Variants in ERLIN2 observed in about 807,000 individuals in gnomAD.
The protein encoded by ERLIN2 is erlin-2.
In ERLIN2, 22 loss-of-function variants were observed where a neutral mutation model predicts 41.5. That is an observed-to-expected ratio of 0.53 (90% CI 0.38 to 0.76). The LOEUF is 0.76. Among genes scored for constraint, ERLIN2 ranks in the 30% least tolerant of loss-of-function variants. The pLI is 0.00. For synonymous variants in ERLIN2, 149 were observed against 150.9 expected (o/e 0.99, Z 0.09); for missense variants, 247 against 414.3 (o/e 0.60, Z 3.51).
At chr8:37,748,532 T>A (rs1803131055) in intron 6 of ERLIN2, among the ~76,000 whole-genome samples, 4 of 152,226 alleles carry the variant, frequency 2.6e-5, no homozygotes, top group Admixed American at 2.6e-4. Flanking sequence ...TTAAACAAGC[T>A]TGTTATTTTT....
Position 37,757,179 on chromosome 8 carries a change from G to A in ERLIN2, c.*3064G>A, listed in dbSNP as rs1023057174. On this transcript the variant is annotated 3_prime_UTR_variant, in exon 12 of 12. Transcript: ENST00000519638. ...CCGATACCTTTACTATTTAAAGAGC[G>A]TAAATAGTGAAAGTAAGATGGTCAT... 5.3e-5 allele frequency: 8 copies of A among 152,268 alleles called. No homozygotes were observed. Among genetic ancestry groups the A allele is most frequent in the African/African-American group, 1.2e-4 (5 of 41,540 alleles). 9.4% of individuals were successfully genotyped at this position (152,268 alleles called of 1,614,324 possible).
chr8:37,739,096 C>T (rs955992330), intron 2 of ERLIN2, among the ~76,000 whole-genome samples: 5 of 152,160 alleles, frequency 3.3e-5, no homozygotes, highest in African/African-American at 1.2e-4. Context: ...TAGTAACCTC[C>T]ATGACCAAGT....
chr8:37,743,798 A>AG (rs1319606406), intron 4 of ERLIN2, among the ~76,000 whole-genome samples: 2 of 152,150 alleles, frequency 1.3e-5, no homozygotes, highest in African/African-American at 4.8e-5. Flanking sequence ...TGAAATGTTC[A>AG]GAAAAAAAAA....
intron 6 of ERLIN2, chr8:37,747,359 A>T: frequency 7.5e-7 from 1 of 1,334,368 alleles, no homozygotes; most frequent in Non-Finnish European, 1.1e-6. Flanking sequence ...TTGTCAATCA[A>T]GGTCCCCTTC....
At chr8:37,747,217 AAAC>A (rs1803080856) in intron 6 of ERLIN2, 1 of 682,114 alleles carries the variant, frequency 1.5e-6, no homozygotes, top group Non-Finnish European at 2.7e-6. Flanking sequence ...AATCAATGGG[AAAC>A]AACATAAAGC....
intron 6 of ERLIN2, among the ~76,000 whole-genome samples, chr8:37,748,487 A>G (rs564375022): frequency 1.3e-5 from 2 of 152,264 alleles, no homozygotes; most frequent in East Asian, 1.9e-4. Flanking sequence ...TACTGATACT[A>G]CTGTCTTAAA....
At position 37,741,146 on chromosome 8, in the gene ERLIN2, TA is replaced by T. The variant is rs1802838928; in HGVS notation, c.190-624del. Among the ~76,000 whole-genome samples the T allele has an allele frequency of 6.6e-6, 1 of 152,112 alleles. No individual in the cohort carries two copies. The highest frequency in any genetic ancestry group is 1.5e-5 in the Non-Finnish European group (1 of 68,018). ...TAGGGTCTGAGACAGGTTAAATAGG[TA>T]ATCTGCTGTTTCAAAACTAGTACAA... On this transcript the variant is annotated intron_variant, in intron 3 of 11. Coordinates refer to ENST00000519638, the MANE Select transcript of ERLIN2 (RefSeq NM_007175.8). This position sits in a 1 kb window ranked among gnomAD's most constrained non-coding sequence, Gnocchi z 4.8.
intron 10 of ERLIN2, among the ~76,000 whole-genome samples, chr8:37,752,372 A>T (rs1803240639): frequency 6.6e-6 from 1 of 152,222 alleles, no homozygotes; most frequent in Non-Finnish European, 1.5e-5. Flanking sequence ...GCTTCAGGCT[A>T]CAAAGTGTTA....
intron 9 of ERLIN2, 123 bp downstream of exon 9, chr8:37,750,609 G>A (rs1244562547): frequency 1.3e-6 from 1 of 799,096 alleles, no homozygotes; most frequent in African/African-American, 1.7e-5. Context: ...CAGCACAGGA[G>A]TGGCAGGTGG....
chr8:37,739,095 C>A (rs1419171251), intron 2 of ERLIN2, among the ~76,000 whole-genome samples: 1 of 152,016 alleles, frequency 6.6e-6, no homozygotes, highest in African/African-American at 2.4e-5. Flanking sequence ...TTAGTAACCT[C>A]CATGACCAAG....
chr8:37,753,382 C>A, intron 10 of ERLIN2, 68 bp from the exon 11 acceptor site: 1 of 1,334,068 alleles, frequency 7.5e-7, no homozygotes, highest in Non-Finnish European at 1.1e-6. Context: ...TTCCCATAGC[C>A]TCTGCACTTC....
Position 37,754,224 on chromosome 8 carries a change from C to T in ERLIN2, c.*109C>T. 1 of 869,000 alleles carries T rather than the reference C, an allele frequency of 1.2e-6. No individual in the cohort carries two copies. Among genetic ancestry groups the T allele is most frequent in the Non-Finnish European group, 1.9e-6 (1 of 528,632 alleles). The allele number at this position is 869,000 out of a possible 1,614,324, so 53.8% of individuals were successfully genotyped here. Reference sequence around the variant, plus strand: ...ACCTTCTCTGACTGTCTTCCAGTTACTGTGGTGAAAAAGAAGAAATGAACT... The same window carrying T: ...ACCTTCTCTGACTGTCTTCCAGTTATTGTGGTGAAAAAGAAGAAATGAACT... On this transcript the variant is annotated 3_prime_UTR_variant, in exon 12 of 12. Transcript: ENST00000519638.
intron 8 of ERLIN2, chr8:37,750,175 A>G (rs916729522): frequency 1.6e-6 from 1 of 622,962 alleles, no homozygotes; most frequent in Non-Finnish European, 2.8e-6. Context: ...GGTGTATTTT[A>G]CTAAATTATG....
intron 6 of ERLIN2, chr8:37,746,101 CT>C (rs1000330329): frequency 9.0e-6 from 9 of 994,846 alleles, no homozygotes; most frequent in Non-Finnish European, 1.1e-5. Context: ...TGCTTTGAAA[CT>C]TTTTTATTTT....
intron 1 of ERLIN2, chr8:37,736,981 G>A (rs1802667268): frequency 2.0e-6 from 2 of 985,946 alleles, no homozygotes; most frequent in Non-Finnish European, 2.4e-6. Context: ...GGACGCAACT[G>A]CAGATCGGTA....
intron 6 of ERLIN2, chr8:37,747,455 CTT>C: frequency 6.2e-7 from 1 of 1,611,970 alleles, no homozygotes; most frequent in South Asian, 1.1e-5. Flanking sequence ...TTTTCAATCA[CTT>C]TGGCATTCTG....
chr8:37,737,964 CT>C lies in ERLIN2; in HGVS notation c.46del (p.Cys16ValfsTer11), dbSNP rs1585896928. ...CAGTTGTGGCTGTGGCTTCCAGTTT[CT>C]TTTGTGCATCTCTCTTCTCAGCTGT... ...GAVVAVASSF[F>X]CASLFSAVHK... On this transcript the variant is annotated frameshift_variant, in exon 2 of 12. Coordinates refer to ENST00000519638, the MANE Select transcript of ERLIN2 (RefSeq NM_007175.8). LOFTEE classifies it high-confidence loss of function. 6.2e-7 allele frequency: 1 copy of C among 1,614,132 alleles called. No individual in the cohort carries two copies. The highest frequency in any genetic ancestry group is 8.5e-7 in the Non-Finnish European group (1 of 1,179,988).
In ERLIN2 at chr8:37,744,407, C is replaced by T; in HGVS notation, c.289C>T (p.Pro97Ser). Residue 97 changes from proline (P) to serine (S), a missense_variant, in exon 5 of 12, where the codon CCG becomes TCG. Transcript: ENST00000519638. ...AATTGAAGTGGTGAACTTCCTGGTC[C>T]CGAACGCAGGTACGTCTTAACAGTT... is the stretch of plus-strand genomic sequence containing the variant. ...DRIEVVNFLVPNAVYDIVKNY... is the reference protein window; with the variant it reads ...DRIEVVNFLVSNAVYDIVKNY... 1 of 1,613,968 alleles carries T rather than the reference C, an allele frequency of 6.2e-7. No individual in the cohort carries two copies. Among genetic ancestry groups the T allele is most frequent in the Non-Finnish European group, 8.5e-7 (1 of 1,179,878 alleles).
At position 37,741,670 on chromosome 8, in the gene ERLIN2, A is replaced by C; in HGVS notation, c.190-102A>C. On this transcript the variant is annotated intron_variant, in intron 3 of 11. Transcript: ENST00000519638. The surrounding 1 kb of genome is among the most constrained non-coding windows in gnomAD (Gnocchi z 4.8). ...ATCATGTTTAATGAAGGCCATGCTC[A>C]ACCCAAACAGTTATTCCAGGACAAA... The C allele has an allele frequency of 1.1e-6, 1 of 908,168 alleles. No homozygotes were observed. The allele number at this position is 908,168 out of a possible 1,614,324, so 56.3% of individuals were successfully genotyped here.
Sources: gnomAD v4.1 joint callset for allele counts (sites outside exome capture counted in the v4.1 genomes callset) on GRCh38, gnomAD v4.1.1 for gene constraint, Gnocchi (gnomAD v3.1) non-coding constraint, MANE v1.5 for transcripts, NCBI Gene and HGNC (gene_info 2026-07-23, HGNC 2026-07-21) for gene names.